RYR3: variants seen among roughly 807,000 people sequenced by gnomAD.
The protein encoded by RYR3 is ryanodine receptor 3.
In RYR3, 207 loss-of-function variants were observed where a neutral mutation model predicts 584.3. The ratio of observed to expected loss-of-function variants is 0.35; its 90% CI spans 0.32 to 0.40. The LOEUF (loss-of-function observed/expected upper bound fraction) is 0.40. Among genes scored for constraint, RYR3 ranks in the 10% least tolerant of loss-of-function variants. The pLI is 1.00. For missense variants in RYR3, 5,616 were observed against 6,089.2 expected, an observed-to-expected ratio of 0.92 and a Z score of 2.59; for synonymous variants, 2,416 against 2,248.5, an observed-to-expected ratio of 1.07 and a Z score of -2.11.
intron 47 of RYR3, 63 bp from the exon 48 acceptor site, chr15:33,731,411 G>C (rs934904766): frequency 4.9e-6 from 6 of 1,221,908 alleles, no homozygotes; most frequent in Non-Finnish European, 7.1e-6. Flanking sequence ...GGAACTCTGT[G>C]CAGAGCCAGC....
rs770660262 is a variant in RYR3 at position 33,644,394 on chromosome 15, A to G, written c.3640A>G (p.Thr1214Ala). Reference protein sequence around the residue: ...GTDASTFKFYTMCGLQEGFEP... With the variant: ...GTDASTFKFYAMCGLQEGFEP... ...AGATGCCAGTACCTTCAAGTTTTAT[A>G]CCATGTGCGGTCTCCAAGAGGGCTT... The change falls in exon 28 of 104, where the codon ACC (threonine) becomes GCC (alanine). Residue 1214 changes from threonine to alanine, a missense_variant. Transcript: ENST00000634891. 6.2e-7 allele frequency: 1 copy of G among 1,613,456 alleles called. No homozygotes were observed.
intron 93 of RYR3, among the ~76,000 whole-genome samples, chr15:33,845,387 G>C (rs946013652): frequency 6.6e-6 from 1 of 152,100 alleles, no homozygotes. Context: ...CGAGTAGCTG[G>C]GATTACAGAT....
Position 33,635,595 on chromosome 15 carries a change from G to C in RYR3, c.3176-19G>C, listed in dbSNP as rs184869827. 1 of 1,602,948 alleles carries C rather than the reference G, an allele frequency of 6.2e-7. No individual in the cohort carries two copies. The highest frequency in any genetic ancestry group is 1.3e-5 in the African/African-American group (1 of 74,802). On this transcript the variant is annotated intron_variant, in intron 25 of 103. Transcript: ENST00000634891. ...TCTTTCCCTTCCACACCCTCTGTTC[G>C]CCTTTCTTCTCACAATAGCTGACTC...
intron 3 of RYR3, among the ~76,000 whole-genome samples, chr15:33,520,828 T>A (rs1206494493): frequency 2.0e-5 from 3 of 152,192 alleles, no homozygotes; most frequent in African/African-American, 7.2e-5. Context: ...GGCATACCAG[T>A]GACCACCTTT....
intron 1 of RYR3, among the ~76,000 whole-genome samples, chr15:33,336,537 G>GAAAA (rs1971099877): frequency 1.9e-5 from 1 of 52,050 alleles, no homozygotes; most frequent in Non-Finnish European, 3.3e-5. Flanking sequence ...AAGGAGGGAA[G>GAAAA]GAGGGAAGGA....
chr15:33,487,823 A>C (rs1011983883), intron 2 of RYR3, among the ~76,000 whole-genome samples: 1 of 152,222 alleles, frequency 6.6e-6, no homozygotes, highest in Non-Finnish European at 1.5e-5. Context: ...TCTGAAAAAC[A>C]TGGCTCCACA....
chr15:33,782,578 T>C (rs1260954303), intron 65 of RYR3, among the ~76,000 whole-genome samples: 1 of 151,600 alleles, frequency 6.6e-6, no homozygotes, highest in African/African-American at 2.4e-5. Flanking sequence ...GAATGACTGT[T>C]GGCTTAATGA....
chr15:33,818,281 G>A (rs2076925840), intron 75 of RYR3, among the ~76,000 whole-genome samples: 1 of 152,170 alleles, frequency 6.6e-6, no homozygotes, highest in South Asian at 2.1e-4. Flanking sequence ...ATTGGAGTCT[G>A]TAGCTATTCC....
chr15:33,635,779 T>C lies in RYR3; in HGVS notation c.3341T>C (p.Leu1114Pro). ...ARPGCRPDVE[L>P]GADDQAFVFE... ...CCAGGCTGTCGACCTGATGTCGAGCTGGGGGCCGATGACCAAGCCTTTGTG... is the reference window on the plus strand; with the variant it reads ...CCAGGCTGTCGACCTGATGTCGAGCCGGGGGCCGATGACCAAGCCTTTGTG... Residue 1114 changes from leucine to proline, a missense_variant, in exon 26 of 104, where the codon CTG becomes CCG. Leu to Pro is a moderately conservative substitution (Grantham distance 98). Transcript: ENST00000634891. 6.2e-7 allele frequency: 1 copy of C among 1,613,586 alleles called. No homozygotes were observed. The highest frequency in any genetic ancestry group is 8.5e-7 in the Non-Finnish European group (1 of 1,179,838).
chr15:33,665,409 G>A (rs565586715), intron 36 of RYR3, among the ~76,000 whole-genome samples: 112 of 152,262 alleles, frequency 7.4e-4, no homozygotes, highest in Middle Eastern at 3.4e-3. Context: ...AGTACTAAGC[G>A]AGCTACTATT....
intron 8 of RYR3, among the ~76,000 whole-genome samples, 195 bp downstream of exon 8, chr15:33,543,910 A>C (rs962165939): frequency 6.6e-6 from 1 of 152,164 alleles, no homozygotes; most frequent in South Asian, 2.1e-4. Context: ...CTCTGTACAC[A>C]TGCTGTTCTT....
At chr15:33,827,388 C>T in intron 85 of RYR3, 101 bp downstream of exon 85, 1 of 1,076,156 alleles carries the variant, frequency 9.3e-7, no homozygotes, top group Non-Finnish European at 1.4e-6. Flanking sequence ...CAGTCAAGCC[C>T]CTATAAGGAA....
intron 69 of RYR3, among the ~76,000 whole-genome samples, chr15:33,805,189 A>C (rs2076118337): frequency 6.6e-6 from 1 of 152,140 alleles, no homozygotes; most frequent in Admixed American, 6.5e-5. Context: ...TCAGAAGGGA[A>C]TGGTAAGTTA....
At position 33,601,558 on chromosome 15, in the gene RYR3, G is replaced by A. The variant is rs775765385; in HGVS notation, c.1922+6G>A. 1.2e-6 allele frequency: 2 copies of A among 1,613,392 alleles called. No individual in the cohort carries two copies. Among genetic ancestry groups the A allele is most frequent in the Middle Eastern group, 1.6e-4 (1 of 6,062 alleles). The stretch of plus-strand genomic sequence containing the variant: ...CTGATTAACGATGTAACCAGGTAAG[G>A]CCACCACCACCATTCCAAATGCCAA... On this transcript the variant is annotated splice_donor_region_variant and intron_variant, in intron 17 of 103. Coordinates refer to ENST00000634891, the MANE Select transcript of RYR3 (RefSeq NM_001036.6).
rs2063555107 is a variant in RYR3 at position 33,667,581 on chromosome 15, G to C, written c.5620-1773G>C. Among the ~76,000 whole-genome samples the C allele has an allele frequency of 2.0e-5, 3 of 152,010 alleles. No homozygotes were observed. The South Asian group carries it at 6.2e-4, about 32-fold the overall frequency. Reference sequence around the variant, plus strand: ...GCCACTAGATCATTTTCTCTAATGAGTTAATAAGTACATACGTTACTACAT... The same window carrying C: ...GCCACTAGATCATTTTCTCTAATGACTTAATAAGTACATACGTTACTACAT... On this transcript the variant is annotated intron_variant, in intron 36 of 103. Coordinates refer to ENST00000634891, the MANE Select transcript of RYR3 (RefSeq NM_001036.6).
In RYR3 at chr15:33,635,897, T is replaced by C. The variant is rs577166145; in HGVS notation, c.3381+78T>C. ...CAAACATTTTTCTGGAAGCTCAAAT[T>C]ACTGGATCTCTGGCTTCAAAGTGAG... On this transcript the variant is annotated intron_variant, in intron 26 of 103. Transcript: ENST00000634891. 1.2e-5 allele frequency: 15 copies of C among 1,266,054 alleles called. No individual in the cohort carries two copies. In the South Asian group the frequency reaches 2.0e-4, roughly 16 times the overall value. 78.4% of individuals were successfully genotyped at this position (1,266,054 alleles called of 1,614,324 possible).
rs2063235845 is a variant in RYR3 at position 33,662,669 on chromosome 15, T to C, written c.5139T>C (p.Pro1713=). 6.2e-7 allele frequency: 1 copy of C among 1,613,938 alleles called. No individual in the cohort carries two copies. The highest frequency in any genetic ancestry group is 8.5e-7 in the Non-Finnish European group (1 of 1,179,960). ...VQCSGAHIRD[P]VGGSVEFQFV... is the part of the protein sequence containing the mutation. ...GCAGCGGGGCCCACATCCGAGACCC[T>C]GTAGGGGGGTCTGTGGAGTTCCAGT... is the stretch of plus-strand genomic sequence containing the variant. Residue 1713 remains proline (P), a synonymous_variant, in exon 35 of 104, where the codon CCT becomes CCC. Coordinates refer to ENST00000634891, the MANE Select transcript of RYR3 (RefSeq NM_001036.6).
rs550843953 is a variant in RYR3, at chr15:33,387,930, CA to C, written c.51+76835del. Among the ~76,000 whole-genome samples the C allele has an allele frequency of 1.6e-3, 242 of 151,792 alleles. 1 individual carries two copies. The highest frequency in any genetic ancestry group is 5.2e-3 in the African/African-American group (216 of 41,414). On this transcript the variant is annotated intron_variant, in intron 1 of 103. Coordinates refer to ENST00000634891, the MANE Select transcript of RYR3 (RefSeq NM_001036.6). ...GTCTAGGCGGACTAGAAAGAAAGAA[CA>C]GAGGAAAGAAAGAGGAGGAAATTAT...
intron 37 of RYR3, among the ~76,000 whole-genome samples, chr15:33,670,210 C>T (rs1010212208): frequency 2.0e-5 from 3 of 147,946 alleles, no homozygotes; most frequent in African/African-American, 7.4e-5. Flanking sequence ...ATTAAACTTA[C>T]TTGTTGTTCT....
Sources: allele counts gnomAD v4.1 joint callset (sites outside exome capture counted in the v4.1 genomes callset), GRCh38; gene constraint gnomAD v4.1.1; transcripts MANE v1.5; gene names NCBI Gene and HGNC (gene_info 2026-07-23, HGNC 2026-07-21).